TMOD1: variants seen among roughly 807,000 people sequenced by gnomAD.
TMOD1 encodes the protein tropomodulin 1, also known as tropomodulin-1.
TMOD1 carries 17 observed loss-of-function variants against 40.6 expected under a neutral mutation model. That is an observed-to-expected ratio of 0.42 (90% CI 0.29 to 0.63). The LOEUF (loss-of-function observed/expected upper bound fraction) is 0.63. Among genes scored for constraint, TMOD1 ranks in the 20% least tolerant of loss-of-function variants. The pLI is 0.22. For synonymous variants in TMOD1, 181 were observed against 175.0 expected (o/e 1.03, Z -0.27); for missense variants, 391 against 447.6 (o/e 0.87, Z 1.14).
At chr9:97,595,124 G>T (rs887187966) in intron 9 of TMOD1, among the ~76,000 whole-genome samples, 1 of 152,122 alleles carries the variant, frequency 6.6e-6, no homozygotes, top group Non-Finnish European at 1.5e-5. Context: ...ATTTGTAATT[G>T]TATATATTTA....
chr9:97,537,589 T>C (rs955398513), intron 2 of TMOD1, among the ~76,000 whole-genome samples: 12 of 152,228 alleles, frequency 7.9e-5, no homozygotes, highest in Admixed American at 7.9e-4. Flanking sequence ...TAGACTGTGA[T>C]GTTAGCCTGC....
chr9:97,573,290 G>A (rs886670285), intron 8 of TMOD1, among the ~76,000 whole-genome samples: 1 of 152,226 alleles, frequency 6.6e-6, no homozygotes, highest in African/African-American at 2.4e-5. Flanking sequence ...GACAAGGCCT[G>A]GGGTGAGTCC....
At chr9:97,574,942 A>G (rs1410120504) in intron 8 of TMOD1, among the ~76,000 whole-genome samples, 1 of 152,214 alleles carries the variant, frequency 6.6e-6, no homozygotes, top group Non-Finnish European at 1.5e-5. Context: ...CCAGCTCTCT[A>G]TAAAATGGAC....
At chr9:97,589,279 A>G (rs1377587006) in intron 8 of TMOD1, among the ~76,000 whole-genome samples, 1 of 109,502 alleles carries the variant, frequency 9.1e-6, no homozygotes, top group Non-Finnish European at 1.8e-5. Context: ...AAACTCACTA[A>G]TTTTTTTTTT....
intron 1 of TMOD1, among the ~76,000 whole-genome samples, chr9:97,506,051 C>G (rs1230949563): frequency 6.6e-6 from 1 of 151,406 alleles, no homozygotes; most frequent in African/African-American, 2.4e-5. Flanking sequence ...TCCAAATTCT[C>G]TTTACCTTCT....
At chr9:97,531,034 C>A (rs528469584) in intron 2 of TMOD1, among the ~76,000 whole-genome samples, 4,913 of 76,402 alleles carry the variant, frequency 0.064, 619 homozygotes, top group African/African-American at 0.24. Flanking sequence ...GTGATCCACA[C>A]CCACCCCCCC....
intron 3 of TMOD1, 48 bp from the exon 4 acceptor site, chr9:97,553,233 C>T: frequency 1.2e-6 from 2 of 1,611,476 alleles, no homozygotes; most frequent in Non-Finnish European, 1.7e-6. Flanking sequence ...CCACCAGAGG[C>T]TGTTCCATTG....
intron 8 of TMOD1, among the ~76,000 whole-genome samples, chr9:97,587,018 C>G (rs577439722): frequency 6.6e-6 from 1 of 152,366 alleles, no homozygotes; most frequent in African/African-American, 2.4e-5. Flanking sequence ...ATTCGGCCAT[C>G]TTGGCTCCTC....
chr9:97,539,236 A>T (rs552024371), intron 2 of TMOD1, among the ~76,000 whole-genome samples: 9 of 152,280 alleles, frequency 5.9e-5, no homozygotes, highest in Admixed American at 2.0e-4. Flanking sequence ...AGAGAATGAG[A>T]GGTGCTTTTC....
At chr9:97,545,952 C>G (rs1174926361) in intron 2 of TMOD1, among the ~76,000 whole-genome samples, 1 of 152,126 alleles carries the variant, frequency 6.6e-6, no homozygotes, top group African/African-American at 2.4e-5. Context: ...AGACCTGAGT[C>G]CTAGCCTCTC....
chr9:97,534,848 A>G (rs1830155274), intron 2 of TMOD1, among the ~76,000 whole-genome samples: 1 of 152,200 alleles, frequency 6.6e-6, no homozygotes, highest in Non-Finnish European at 1.5e-5. Context: ...GTCAGTTTGG[A>G]GAATCCTGCA....
At chr9:97,597,374 T>C (rs1039086297) in intron 9 of TMOD1, among the ~76,000 whole-genome samples, 2 of 152,184 alleles carry the variant, frequency 1.3e-5, no homozygotes, top group African/African-American at 4.8e-5. Flanking sequence ...ATGGATGCCT[T>C]TCCCTTCTCT....
chr9:97,553,533 T>G, intron 4 of TMOD1, 133 bp downstream of exon 4: 7 of 1,291,310 alleles, frequency 5.4e-6, no homozygotes, highest in Non-Finnish European at 7.4e-6. Context: ...ACCGAGAGTG[T>G]TCAAACAACA....
chr9:97,601,275 G>A lies in TMOD1; in HGVS notation c.*1577G>A. The A allele has an allele frequency of 8.3e-7, 1 of 1,197,740 alleles. No homozygotes were observed. Among genetic ancestry groups the A allele is most frequent in the Non-Finnish European group, 1.1e-6 (1 of 935,712 alleles). The allele number at this position is 1,197,740 out of a possible 1,614,324, so 74.2% of individuals were successfully genotyped here. On this transcript the variant is annotated 3_prime_UTR_variant, in exon 10 of 10. Transcript: ENST00000259365. ...ATGCATGGCTGCGTATGTGTTTCTT[G>A]GAACCTGTGTGACAGGGACATGTGC...
chr9:97,599,444 C>CTCA (rs34290527), intron 9 of TMOD1, among the ~76,000 whole-genome samples, 190 bp from the exon 10 acceptor site: 1,532 of 152,328 alleles, frequency 0.01, 28 homozygotes, highest in African/African-American at 0.034. Context: ...ACCACAGACC[C>CTCA]TCATCAATGA....
chr9:97,505,061 T>C (rs1195463150), intron 1 of TMOD1, among the ~76,000 whole-genome samples: 1 of 152,252 alleles, frequency 6.6e-6, no homozygotes, highest in Non-Finnish European at 1.5e-5. Context: ...TGATAGAACC[T>C]AATTCTCTTT....
Position 97,565,927 on chromosome 9 carries a change from G to A in TMOD1, c.698G>A (p.Gly233Glu), listed in dbSNP as rs200239915. 1 of 1,614,154 alleles carries A rather than the reference G, an allele frequency of 6.2e-7. No homozygotes were observed. The highest frequency in any genetic ancestry group is 8.5e-7 in the Non-Finnish European group (1 of 1,180,004). ...TATGTGAAGAAGTTCAGCATCGTGG[G>A]GACACGGAGTAATGACCCCGTGGCG... Reference protein sequence around the residue: ...NSYVKKFSIVGTRSNDPVAYA... With the variant: ...NSYVKKFSIVETRSNDPVAYA... Residue 233 changes from glycine (G) to glutamate (E), a missense_variant, in exon 7 of 10, where the codon GGG becomes GAG. Gly to Glu is a moderately conservative substitution (Grantham distance 98). Transcript: ENST00000259365.
intron 1 of TMOD1, among the ~76,000 whole-genome samples, chr9:97,515,201 G>GAAAAAA (rs71369514): frequency 7.1e-6 from 1 of 141,360 alleles, no homozygotes; most frequent in Non-Finnish European, 1.5e-5. Flanking sequence ...AAACAAAAAT[G>GAAAAAA]AAAAAAAAAA....
rs1249540823 is a variant in TMOD1 at position 97,557,919 on chromosome 9, A to G, written c.397+4519A>G. 6.6e-6 allele frequency among the ~76,000 whole-genome samples: 1 copy of G among 152,030 alleles called. No individual in the cohort carries two copies. The highest frequency in any genetic ancestry group is 1.9e-4 in the East Asian group (1 of 5,174). Reference sequence around the variant, plus strand: ...CCCAGTGCTAAATTCAGCCTTGCCAATATCTACAAAGAATGAAGCAACAGG... The same window carrying G: ...CCCAGTGCTAAATTCAGCCTTGCCAGTATCTACAAAGAATGAAGCAACAGG... On this transcript the variant is annotated intron_variant, in intron 4 of 9. Coordinates refer to ENST00000259365, the MANE Select transcript of TMOD1 (RefSeq NM_003275.4). The surrounding 1 kb of genome is among the most constrained non-coding windows in gnomAD (Gnocchi z 4.4).
Sources: gnomAD v4.1 joint callset for allele counts (sites outside exome capture counted in the v4.1 genomes callset) on GRCh38, gnomAD v4.1.1 for gene constraint, Gnocchi (gnomAD v3.1) non-coding constraint, MANE v1.5 for transcripts, NCBI Gene and HGNC (gene_info 2026-07-23, HGNC 2026-07-21) for gene names.